The following UNC13C variants were observed in gnomAD, a reference collection of about 807,000 sequenced individuals.
UNC13C encodes the protein unc-13 homolog C.
Under a neutral mutation model 245.4 loss-of-function variants are expected in UNC13C, and 174 were observed. The observed-to-expected ratio is 0.71, with a 90% CI of 0.63 to 0.80. UNC13C has a LOEUF of 0.80. Among genes scored for constraint, UNC13C ranks in the 30% least tolerant of loss-of-function variants. UNC13C has a pLI of 0.00. For missense variants in UNC13C, 2,829 were observed against 2,602.9 expected (o/e 1.09, Z -1.89); for synonymous variants, 992 against 895.1 (o/e 1.11, Z -1.93).
intron 10 of UNC13C, among the ~76,000 whole-genome samples, chr15:54,293,651 C>A (rs921967250): frequency 6.6e-6 from 1 of 151,926 alleles, no homozygotes; most frequent in Non-Finnish European, 1.5e-5. Flanking sequence ...TTGATTATAT[C>A]TAAATCAGTT....
the UNC13C span, among the ~76,000 whole-genome samples, chr15:53,946,454 T>G: frequency 0.36 from 46,478 of 128,158 alleles, 7,319 homozygotes; most frequent in East Asian, 0.45. Context: ...TTTTTTTGTT[T>G]TTTTTTTTTT....
intron 18 of UNC13C, among the ~76,000 whole-genome samples, chr15:54,400,836 G>C (rs911006341): frequency 2.0e-5 from 3 of 152,108 alleles, no homozygotes; most frequent in Non-Finnish European, 2.9e-5. Context: ...GTGCCATGTT[G>C]GTGTGCTGCA....
At chr15:54,141,005 A>G (rs1345980193) in intron 2 of UNC13C, among the ~76,000 whole-genome samples, 2 of 152,186 alleles carry the variant, frequency 1.3e-5, no homozygotes, top group African/African-American at 4.8e-5. Context: ...GCTGAAAAGT[A>G]ATTGATGACC....
At chr15:53,973,583 A>AT (rs896359416), upstream of UNC13C, among the ~76,000 whole-genome samples, 3 of 112,364 alleles carry the variant, frequency 2.7e-5, no homozygotes, top group Non-Finnish European at 5.5e-5. Context: ...AATCAACAAA[A>AT]TTAAAAAAAA....
intron 30 of UNC13C, among the ~76,000 whole-genome samples, chr15:54,574,642 G>T (rs1897884498): frequency 6.6e-6 from 1 of 152,150 alleles, no homozygotes; most frequent in Non-Finnish European, 1.5e-5. Flanking sequence ...ACACAGAAAA[G>T]GGATATTTTA....
Position 54,082,859 on chromosome 15 carries a change from T to C in UNC13C, c.2984-60159T>C, listed in dbSNP as rs1274659937. Among the ~76,000 whole-genome samples, 3 of 152,260 alleles carry C rather than the reference T, an allele frequency of 2.0e-5. No homozygotes were observed. In the East Asian group the frequency reaches 5.8e-4, roughly 29 times the overall value. ...CAAGGCTCTGAATGGGTTCCTTGGT[T>C]GTGGATAGGTTCTGTGTGATAGCTT... On this transcript the variant is annotated intron_variant, in intron 2 of 32. Coordinates refer to ENST00000260323, the MANE Select transcript of UNC13C (RefSeq NM_001080534.3).
At chr15:54,422,175 C>T (rs1246617668) in intron 19 of UNC13C, among the ~76,000 whole-genome samples, 3 of 151,926 alleles carry the variant, frequency 2.0e-5, no homozygotes, top group African/African-American at 7.2e-5. Context: ...TTCTCTTGCT[C>T]TACCACCATC....
At chr15:54,160,234 G>A (rs558503088) in intron 4 of UNC13C, among the ~76,000 whole-genome samples, 1 of 151,878 alleles carries the variant, frequency 6.6e-6, no homozygotes, top group Non-Finnish European at 1.5e-5. Flanking sequence ...GACTGTTAGT[G>A]AGGATCTAGG....
intron 17 of UNC13C, among the ~76,000 whole-genome samples, chr15:54,360,017 C>T (rs976437019): frequency 2.0e-5 from 3 of 151,964 alleles, no homozygotes; most frequent in Middle Eastern, 3.4e-3. Flanking sequence ...TGCTGTGTTT[C>T]TGTTTTCACT....
At chr15:54,334,974 T>G (rs1206942749) in intron 16 of UNC13C, among the ~76,000 whole-genome samples, 3 of 151,918 alleles carry the variant, frequency 2.0e-5, no homozygotes, top group African/African-American at 7.3e-5. Context: ...TGCTTCCTAT[T>G]TCAATGAAAA....
chr15:54,277,268 T>G (rs1190750949), intron 10 of UNC13C, among the ~76,000 whole-genome samples: 1 of 152,210 alleles, frequency 6.6e-6, no homozygotes, highest in East Asian at 1.9e-4. Flanking sequence ...CAGTAAACTT[T>G]GAAGCTGATT....
chr15:54,231,415 G>C (rs1023379687), intron 4 of UNC13C, among the ~76,000 whole-genome samples: 1 of 151,936 alleles, frequency 6.6e-6, no homozygotes, highest in African/African-American at 2.4e-5. Context: ...GTGGAGCACG[G>C]TAAGTCATAA....
chr15:54,157,464 C>T (rs192895971), intron 4 of UNC13C, among the ~76,000 whole-genome samples: 1 of 152,100 alleles, frequency 6.6e-6, no homozygotes, highest in East Asian at 1.9e-4. Context: ...TTTAATAATA[C>T]ATTATTAAAA....
chr15:54,317,920 C>A (rs1008990539), intron 13 of UNC13C, among the ~76,000 whole-genome samples: 3 of 151,896 alleles, frequency 2.0e-5, no homozygotes, highest in Non-Finnish European at 4.4e-5. Context: ...CCTCTAGTAA[C>A]TACCTTTCAA....
intron 19 of UNC13C, among the ~76,000 whole-genome samples, chr15:54,441,272 T>G (rs1312608422): frequency 6.6e-6 from 1 of 152,074 alleles, no homozygotes; most frequent in East Asian, 1.9e-4. Context: ...TTCTTCAAGT[T>G]CTCTTCTAGC....
At chr15:53,929,400 C>T in the UNC13C span, among the ~76,000 whole-genome samples, 1 of 152,024 alleles carries the variant, frequency 6.6e-6, no homozygotes, top group Non-Finnish European at 1.5e-5. Context: ...TGAAATGCCA[C>T]TAAGAAAAAA....
chr15:54,050,436 C>T, intron 2 of UNC13C: 1 of 553,112 alleles, frequency 1.8e-6, no homozygotes, highest in Non-Finnish European at 3.6e-6. Context: ...AGGAGCTGAC[C>T]TGGGCTTGCT....
chr15:53,846,113 C>G, the UNC13C span, among the ~76,000 whole-genome samples: 1 of 152,052 alleles, frequency 6.6e-6, no homozygotes, highest in South Asian at 2.1e-4. Flanking sequence ...TGTTCTCAGC[C>G]CATTTAAGGT....
intron 10 of UNC13C, among the ~76,000 whole-genome samples, chr15:54,288,397 A>C (rs141492477): frequency 6.6e-6 from 1 of 152,300 alleles, no homozygotes; most frequent in African/African-American, 2.4e-5. Context: ...AAAAGAATGA[A>C]AAGTCATTCC....
Sources: gnomAD v4.1 joint callset for allele counts (sites outside exome capture counted in the v4.1 genomes callset) on GRCh38, gnomAD v4.1.1 for gene constraint, MANE v1.5 for transcripts, NCBI Gene and HGNC (gene_info 2026-07-23, HGNC 2026-07-21) for gene names.